GBE1: variants seen among roughly 807,000 people sequenced by gnomAD.
GBE1 encodes the protein 1,4-alpha-glucan-branching enzyme.
In GBE1, 70 loss-of-function variants were observed where a neutral mutation model predicts 88.8. The ratio of observed to expected loss-of-function variants is 0.79; its 90% CI spans 0.65 to 0.96. GBE1 has a LOEUF of 0.96. GBE1 is among the 40% of genes least tolerant of loss of function. The pLI, the probability that GBE1 is intolerant of heterozygous loss-of-function variation, is 0.00. For missense variants in GBE1, 872 were observed against 871.0 expected (o/e 1.00, Z -0.01); for synonymous variants, 284 against 300.1 (o/e 0.95, Z 0.56).
At chr3:81,619,183 AC>A (rs10706736) in intron 7 of GBE1, among the ~76,000 whole-genome samples, 97,487 of 151,888 alleles carry the variant, frequency 0.64, 32,766 homozygotes, top group East Asian at 0.92. Flanking sequence ...TATTCTGCAG[AC>A]CCCTCAGCAC....
chr3:81,498,923 A>C (rs1230877313), intron 15 of GBE1, among the ~76,000 whole-genome samples, 187 bp downstream of exon 15: 1 of 152,142 alleles, frequency 6.6e-6, no homozygotes. Flanking sequence ...CTTTACTATT[A>C]GTTTTTCCAA....
chr3:81,493,943 A>G (rs953479645), intron 15 of GBE1, among the ~76,000 whole-genome samples: 6 of 151,984 alleles, frequency 3.9e-5, no homozygotes, highest in Non-Finnish European at 7.4e-5. Flanking sequence ...AAGAACACTC[A>G]CTAACTGATG....
intron 7 of GBE1, among the ~76,000 whole-genome samples, chr3:81,596,811 G>A (rs929936764): frequency 3.3e-5 from 5 of 151,848 alleles, no homozygotes; most frequent in African/African-American, 4.8e-5. Flanking sequence ...GTCACATGGA[G>A]AATGAAAACA....
intron 7 of GBE1, among the ~76,000 whole-genome samples, chr3:81,620,035 A>T (rs1011417449): frequency 1.7e-4 from 26 of 152,192 alleles, no homozygotes; most frequent in African/African-American, 6.0e-4. Context: ...AAATTAATTT[A>T]TTTAAAAATA....
chr3:81,727,921 T>A (rs1706134921), intron 1 of GBE1, among the ~76,000 whole-genome samples: 1 of 152,138 alleles, frequency 6.6e-6, no homozygotes, highest in Non-Finnish European at 1.5e-5. Context: ...CTAGCCAGAA[T>A]TGCCAAGGCA....
chr3:81,691,905 T>C (rs893463168), intron 2 of GBE1, among the ~76,000 whole-genome samples: 1 of 152,198 alleles, frequency 6.6e-6, no homozygotes, highest in African/African-American at 2.4e-5. Context: ...CACTTCTGAC[T>C]TAGTAACTCT....
In GBE1 at chr3:81,708,004, T is replaced by C. The variant is rs187780357; in HGVS notation, c.144-2391A>G. On this transcript the variant is annotated intron_variant, in intron 1 of 15. Transcript: ENST00000429644. ...CATTGTTCTAATCACGTATAACAAA[T>C]AACTACCATTTTAAAAAATGAAGTA... Among the ~76,000 whole-genome samples the C allele has an allele frequency of 2.0e-4, 31 of 152,128 alleles. No individual in the cohort carries two copies. In the East Asian group the frequency reaches 5.8e-3, roughly 28 times the overall value.
chr3:81,649,084 T>G, intron 4 of GBE1, 93 bp from the exon 5 acceptor site: 1 of 852,340 alleles, frequency 1.2e-6, no homozygotes, highest in Non-Finnish European at 1.8e-6. Flanking sequence ...GTGAATATAC[T>G]CAAACACTTG....
At chr3:81,537,529 T>G (rs1037457697) in intron 12 of GBE1, among the ~76,000 whole-genome samples, 1 of 152,048 alleles carries the variant, frequency 6.6e-6, no homozygotes, top group Non-Finnish European at 1.5e-5. Flanking sequence ...TCAAAGGAAC[T>G]CTCTATTATA....
intron 7 of GBE1, among the ~76,000 whole-genome samples, chr3:81,641,426 C>T (rs191767498): frequency 6.6e-6 from 1 of 152,198 alleles, no homozygotes; most frequent in East Asian, 1.9e-4. Context: ...AGAATTAACA[C>T]AGATTTAGTC....
chr3:81,505,608 A>C (rs1194874559), intron 14 of GBE1, among the ~76,000 whole-genome samples: 2 of 152,174 alleles, frequency 1.3e-5, no homozygotes, highest in African/African-American at 4.8e-5. Context: ...AATCACAGAA[A>C]AGGCTATGAA....
intron 2 of GBE1, among the ~76,000 whole-genome samples, chr3:81,672,001 T>C (rs962553268): frequency 6.6e-6 from 1 of 151,950 alleles, no homozygotes; most frequent in Non-Finnish European, 1.5e-5. Context: ...ATAAAAAATA[T>C]ATTCAGGAGA....
At chr3:81,679,209 A>C (rs1281820212) in intron 2 of GBE1, among the ~76,000 whole-genome samples, 1 of 152,186 alleles carries the variant, frequency 6.6e-6, no homozygotes, top group Non-Finnish European at 1.5e-5. Flanking sequence ...TAGGTGTCCA[A>C]ATCTCTTTTC....
chr3:81,646,839 A>G (rs1463970234), intron 5 of GBE1, among the ~76,000 whole-genome samples: 1 of 152,220 alleles, frequency 6.6e-6, no homozygotes, highest in Admixed American at 6.5e-5. Context: ...CTAAATAAAA[A>G]TAACCAATTG....
chr3:81,506,385 T>C (rs1452686177), intron 14 of GBE1, among the ~76,000 whole-genome samples: 1 of 152,074 alleles, frequency 6.6e-6, no homozygotes. Context: ...AGGGCTATTA[T>C]TAAAAAGTCA....
intron 3 of GBE1, among the ~76,000 whole-genome samples, chr3:81,669,564 A>C (rs1705159714): frequency 6.6e-6 from 1 of 151,962 alleles, no homozygotes; most frequent in Non-Finnish European, 1.5e-5. Flanking sequence ...CTCAATAAAT[A>C]TCTTTTGAGT....
chr3:81,546,591 T>C (rs111883925), intron 12 of GBE1, among the ~76,000 whole-genome samples: 1 of 151,292 alleles, frequency 6.6e-6, no homozygotes, highest in African/African-American at 2.4e-5. Flanking sequence ...ACCAACATGG[T>C]AATGAGAGTG....
In GBE1 at chr3:81,638,805, C is replaced by T. The variant is rs569563648; in HGVS notation, c.992+3976G>A. On this transcript the variant is annotated intron_variant, in intron 7 of 15. Coordinates refer to ENST00000429644, the MANE Select transcript of GBE1 (RefSeq NM_000158.4). ...AATTCTGGTAACTTTGATGATGGCACTTGAATCACAGATTCTAAATGGTGA... is the reference window on the plus strand; with the variant it reads ...AATTCTGGTAACTTTGATGATGGCATTTGAATCACAGATTCTAAATGGTGA... Among the ~76,000 whole-genome samples, 4 of 152,248 alleles carry T rather than the reference C, an allele frequency of 2.6e-5. No homozygotes were observed. The South Asian group carries it at 8.3e-4, about 32-fold the overall frequency.
intron 9 of GBE1, among the ~76,000 whole-genome samples, chr3:81,588,103 C>CTT (rs5850528): frequency 1.4e-5 from 2 of 146,326 alleles, no homozygotes; most frequent in Admixed American, 6.8e-5. Flanking sequence ...TCAAATGCTT[C>CTT]TTTTTTTTTT....
Sources: gnomAD v4.1 joint callset for allele counts (sites outside exome capture counted in the v4.1 genomes callset) on GRCh38, gnomAD v4.1.1 for gene constraint, MANE v1.5 for transcripts, NCBI Gene and HGNC (gene_info 2026-07-23, HGNC 2026-07-21) for gene names.